Variants in SGK3 observed in about 807,000 individuals in gnomAD.
SGK3 encodes serine/threonine-protein kinase Sgk3.
A neutral mutation model predicts 68.5 loss-of-function variants in SGK3; 47 were observed. That is an observed-to-expected ratio of 0.69 (90% CI 0.54 to 0.87). SGK3 has a LOEUF of 0.87. SGK3 is among the 40% of genes least tolerant of loss of function. The pLI is 0.00. For synonymous variants in SGK3, 181 were observed against 189.1 expected, an observed-to-expected ratio of 0.96 and a Z score of 0.35; for missense variants, 479 against 575.5, an observed-to-expected ratio of 0.83 and a Z score of 1.72.
At chr8:66,745,555 CAG>C (rs770223042) in intron 1 of SGK3, among the ~76,000 whole-genome samples, 3 of 151,500 alleles carry the variant, frequency 2.0e-5, no homozygotes, top group Non-Finnish European at 2.9e-5. Flanking sequence ...GCCTGGGCAA[CAG>C]AGAGAGACTG....
At chr8:66,744,379 G>A (rs75925739) in intron 1 of SGK3, among the ~76,000 whole-genome samples, 3,095 of 148,374 alleles carry the variant, frequency 0.021, 109 homozygotes, top group African/African-American at 0.071. Context: ...CTATTGTGCT[G>A]TGTACTCAAT....
At chr8:66,855,184 A>T (rs913207891) in intron 16 of SGK3, among the ~76,000 whole-genome samples, 3 of 152,158 alleles carry the variant, frequency 2.0e-5, no homozygotes, top group African/African-American at 4.8e-5. Context: ...TTGACTACAT[A>T]AAATTTCATT....
chr8:66,735,031 G>A (rs963970806), intron 1 of SGK3, among the ~76,000 whole-genome samples: 4 of 151,350 alleles, frequency 2.6e-5, no homozygotes, highest in African/African-American at 9.7e-5. Context: ...ACTGTATGAT[G>A]TTATAATTTT....
Position 66,841,096 on chromosome 8 carries a change from T to C in SGK3, c.964T>C (p.Cys322Arg). ...IAISDTTTTF[C>R]GTPEYLAPEV... is the part of the protein sequence containing the mutation. ...TATTTCTGACACCACTACCACATTT[T>C]GTGGGACACCAGAGGTAAGAAATAT... Residue 322 changes from cysteine (C) to arginine (R), a missense_variant, in exon 13 of 17, where the codon TGT becomes CGT. Cys to Arg is a radical substitution (Grantham distance 180). Around this residue, in one of 3 missense-constraint regions of SGK3, gnomAD observed 173 missense variants for 214.3 expected, o/e 0.81. Coordinates refer to ENST00000521198, the MANE Select transcript of SGK3 (RefSeq NM_001033578.3). 1 of 1,591,496 alleles carries C rather than the reference T, an allele frequency of 6.3e-7. No homozygotes were observed. Among genetic ancestry groups the C allele is most frequent in the Non-Finnish European group, 8.5e-7 (1 of 1,169,654 alleles).
intron 1 of SGK3, 25 bp from the exon 2 acceptor site, chr8:66,793,591 C>CT (rs796840166): frequency 0.1 from 54,995 of 542,988 alleles, no homozygotes; most frequent in East Asian, 0.13. Flanking sequence ...TTGCTAATCA[C>CT]TTTTTTTTTT....
chr8:66,724,997 C>T (rs546812810), intron 1 of SGK3, among the ~76,000 whole-genome samples: 12 of 152,012 alleles, frequency 7.9e-5, no homozygotes, highest in African/African-American at 2.2e-4. Flanking sequence ...GAGGCCGAGG[C>T]GGGCGGATCA....
intron 1 of SGK3, among the ~76,000 whole-genome samples, chr8:66,754,552 A>G (rs1386246283): frequency 1.3e-5 from 2 of 152,246 alleles, no homozygotes; most frequent in African/African-American, 2.4e-5. Context: ...CATATACATG[A>G]TGAGATCTCT....
intron 1 of SGK3, among the ~76,000 whole-genome samples, chr8:66,734,615 T>C (rs71517403): frequency 6.6e-6 from 1 of 152,162 alleles, no homozygotes; most frequent in Non-Finnish European, 1.5e-5. Flanking sequence ...ATAGTGTTGC[T>C]TTCTGCAGTT....
chr8:66,747,902 T>C (rs540010726), intron 1 of SGK3, among the ~76,000 whole-genome samples: 3 of 152,370 alleles, frequency 2.0e-5, no homozygotes, highest in Admixed American at 6.5e-5. Context: ...CTTTGCTGTG[T>C]AGCACAGCAG....
intron 8 of SGK3, among the ~76,000 whole-genome samples, chr8:66,833,418 T>G (rs912521861): frequency 2.6e-5 from 4 of 152,230 alleles, no homozygotes; most frequent in African/African-American, 9.6e-5. Context: ...TTGTGACACC[T>G]GTAGCTTGAT....
chr8:66,841,145 A>C (rs1192733520), intron 13 of SGK3, 35 bp downstream of exon 13: 9 of 1,435,408 alleles, frequency 6.3e-6, no homozygotes, highest in Non-Finnish European at 8.4e-6. Flanking sequence ...TTATATAATC[A>C]TGTATAAAAT....
At chr8:66,819,033 C>T (rs938531415) in intron 5 of SGK3, among the ~76,000 whole-genome samples, 1 of 152,170 alleles carries the variant, frequency 6.6e-6, no homozygotes, top group Non-Finnish European at 1.5e-5. Flanking sequence ...TGTGAAATCA[C>T]GTTGCTTACC....
intron 4 of SGK3, among the ~76,000 whole-genome samples, chr8:66,811,025 A>G (rs1808361208): frequency 6.6e-6 from 1 of 151,980 alleles, no homozygotes; most frequent in South Asian, 2.1e-4. Flanking sequence ...AACTTTATTT[A>G]TATATATGTT....
intron 1 of SGK3, among the ~76,000 whole-genome samples, chr8:66,731,995 T>G (rs1805169313): frequency 6.6e-6 from 1 of 152,202 alleles, no homozygotes; most frequent in Non-Finnish European, 1.5e-5. Context: ...TTGAGAACCT[T>G]ATTTATTAGG....
intron 6 of SGK3, among the ~76,000 whole-genome samples, chr8:66,826,099 A>G (rs1469222562): frequency 3.9e-5 from 6 of 151,980 alleles, no homozygotes; most frequent in East Asian, 3.9e-4. Context: ...CAGCCTCCCA[A>G]GTAGCTGGGA....
At chr8:66,852,367 C>T (rs1434427928) in intron 16 of SGK3, among the ~76,000 whole-genome samples, 1 of 149,932 alleles carries the variant, frequency 6.7e-6, no homozygotes, top group East Asian at 2.0e-4. Context: ...CTACAACCTC[C>T]GCCTCCCTGG....
chr8:66,771,383 G>A (rs549507984), intron 1 of SGK3, among the ~76,000 whole-genome samples: 17 of 152,144 alleles, frequency 1.1e-4, no homozygotes, highest in Non-Finnish European at 2.2e-4. Flanking sequence ...AAAACACAAG[G>A]GGCCATTGAT....
chr8:66,847,939 C>T (rs1563659007), intron 15 of SGK3, among the ~76,000 whole-genome samples: 2 of 141,710 alleles, frequency 1.4e-5, no homozygotes, highest in Admixed American at 7.4e-5. Flanking sequence ...ATGTTTGTTT[C>T]AAATAAGGGT....
intron 16 of SGK3, among the ~76,000 whole-genome samples, chr8:66,858,759 T>C (rs1810628327): frequency 6.6e-6 from 1 of 152,206 alleles, no homozygotes; most frequent in Non-Finnish European, 1.5e-5. Context: ...TTAAACTTTC[T>C]GTAAAACATT....
Sources: gnomAD v4.1 joint callset for allele counts (sites outside exome capture counted in the v4.1 genomes callset) on GRCh38, gnomAD v4.1.1 for gene constraint, gnomAD v4.1.1 regional missense constraint, MANE v1.5 for transcripts, NCBI Gene and HGNC (gene_info 2026-07-23, HGNC 2026-07-21) for gene names.